TNFSF4: variants seen among roughly 807,000 people sequenced by gnomAD.
TNFSF4 encodes the protein TNF superfamily member 4.
A neutral mutation model predicts 7.3 loss-of-function variants in TNFSF4; 4 were observed. The ratio of observed to expected loss-of-function variants is 0.55; its 90% CI spans 0.27 to 1.25. The LOEUF (loss-of-function observed/expected upper bound fraction) is 1.25. Ranked by LOEUF, TNFSF4 falls within the 50% of genes most tolerant of loss-of-function variation. The pLI, the probability that TNFSF4 is intolerant of heterozygous loss-of-function variation, is 0.12. For synonymous variants in TNFSF4, 76 were observed against 83.7 expected (o/e 0.91, Z 0.50); for missense variants, 181 against 208.8 (o/e 0.87, Z 0.82).
At chr1:173,210,307 G>T (rs1398672047), upstream of TNFSF4, among the ~76,000 whole-genome samples, 1 of 151,874 alleles carries the variant, frequency 6.6e-6, no homozygotes, top group African/African-American at 2.4e-5. Flanking sequence ...GTGCAGAAGG[G>T]AAGGGTGCAG....
At chr1:173,437,020 G>A in the TNFSF4 span, among the ~76,000 whole-genome samples, 2 of 152,120 alleles carry the variant, frequency 1.3e-5, no homozygotes, top group Non-Finnish European at 1.5e-5. Context: ...TGTGATTTAT[G>A]GTGAGGGCTT....
chr1:173,210,812 G>C (rs1650350903), upstream of TNFSF4, among the ~76,000 whole-genome samples: 1 of 152,132 alleles, frequency 6.6e-6, no homozygotes, highest in Admixed American at 6.5e-5. Flanking sequence ...GCCAGCTGAG[G>C]GAATGAGTGA....
chr1:173,233,196 A>T, the TNFSF4 span, among the ~76,000 whole-genome samples: 2 of 152,234 alleles, frequency 1.3e-5, no homozygotes, highest in African/African-American at 4.8e-5. Context: ...AAGCTTCAGT[A>T]GCTGATTCGA....
the TNFSF4 span, among the ~76,000 whole-genome samples, chr1:173,296,952 G>A: frequency 6.6e-6 from 1 of 151,930 alleles, no homozygotes; most frequent in Admixed American, 6.6e-5. Context: ...CAGAAAAGCA[G>A]ATATTACTAC....
chr1:173,346,637 T>C, the TNFSF4 span, among the ~76,000 whole-genome samples: 1 of 151,868 alleles, frequency 6.6e-6, no homozygotes, highest in African/African-American at 2.4e-5. Context: ...ATAAAGAAAA[T>C]ATAAGGAGGG....
the TNFSF4 span, among the ~76,000 whole-genome samples, chr1:173,408,868 G>A: frequency 6.6e-6 from 1 of 152,140 alleles, no homozygotes; most frequent in African/African-American, 2.4e-5. Flanking sequence ...GGGATTACAC[G>A]GATGAGCCAC....
the TNFSF4 span, among the ~76,000 whole-genome samples, chr1:173,446,182 G>C: frequency 6.6e-6 from 1 of 151,234 alleles, no homozygotes; most frequent in Non-Finnish European, 1.5e-5. Flanking sequence ...GGCAACTATC[G>C]TAACTATGCT....
At chr1:173,363,121 T>TG in the TNFSF4 span, 1 of 342,192 alleles carries the variant, frequency 2.9e-6, no homozygotes. Context: ...CTACCAACTC[T>TG]TACATTTTTC....
the TNFSF4 span, among the ~76,000 whole-genome samples, chr1:173,450,546 AAT>A: frequency 6.6e-6 from 1 of 151,812 alleles, no homozygotes; most frequent in African/African-American, 2.4e-5. Flanking sequence ...TGAATCCAAA[AAT>A]ATATTTAAAA....
the TNFSF4 span, among the ~76,000 whole-genome samples, chr1:173,442,545 G>GTTTTTTTTTTTTTTTTTTTT: frequency 7.5e-5 from 7 of 93,450 alleles, 3 homozygotes; most frequent in Non-Finnish European, 1.3e-4. Context: ...TTTCGTTTTT[G>GTTTTTTTTTTTTTTTTTTTT]TTTTTGTTTT....
chr1:173,287,420 G>A, the TNFSF4 span, among the ~76,000 whole-genome samples: 1 of 152,180 alleles, frequency 6.6e-6, no homozygotes, highest in Admixed American at 6.6e-5. Context: ...TATAGACAAT[G>A]CCAAGTGTTG....
the TNFSF4 span, among the ~76,000 whole-genome samples, chr1:173,235,446 T>C: frequency 4.6e-5 from 7 of 152,224 alleles, no homozygotes; most frequent in Admixed American, 6.5e-5. Flanking sequence ...ATTGTCCCAG[T>C]GCACAGGTGG....
At chr1:173,384,543 A>G in the TNFSF4 span, among the ~76,000 whole-genome samples, 1 of 152,182 alleles carries the variant, frequency 6.6e-6, no homozygotes, top group South Asian at 2.1e-4. Flanking sequence ...CCACCGCATG[A>G]TTCTCTTCAT....
the TNFSF4 span, among the ~76,000 whole-genome samples, chr1:173,345,054 G>A: frequency 6.6e-6 from 1 of 152,134 alleles, no homozygotes; most frequent in East Asian, 1.9e-4. Context: ...AGAATTTGGG[G>A]GATCAGAAGT....
chr1:173,433,606 G>A, the TNFSF4 span, among the ~76,000 whole-genome samples: 2 of 152,070 alleles, frequency 1.3e-5, no homozygotes, highest in Non-Finnish European at 2.9e-5. Context: ...GGAGGCAGAG[G>A]TGGGAGGATC....
the TNFSF4 span, among the ~76,000 whole-genome samples, chr1:173,341,980 C>G: frequency 2.0e-5 from 3 of 152,280 alleles, no homozygotes; most frequent in Non-Finnish European, 2.9e-5. Context: ...CCTTCTGTTT[C>G]TATCCTGCTT....
chr1:173,342,514 T>C, the TNFSF4 span, among the ~76,000 whole-genome samples: 2 of 149,228 alleles, frequency 1.3e-5, no homozygotes, highest in East Asian at 2.1e-4. Context: ...TGATGCATTA[T>C]GCAAAAAAAA....
chr1:173,239,677 A>G, the TNFSF4 span, among the ~76,000 whole-genome samples: 3 of 152,176 alleles, frequency 2.0e-5, no homozygotes, highest in African/African-American at 4.8e-5. Context: ...TCTGCATATC[A>G]TGATGTCCTC....
At chr1:173,242,217 C>A in the TNFSF4 span, among the ~76,000 whole-genome samples, 1 of 152,006 alleles carries the variant, frequency 6.6e-6, no homozygotes, top group East Asian at 1.9e-4. Flanking sequence ...TTAGAGTGGC[C>A]AAAATACTCA....
Sources: allele counts gnomAD v4.1 joint callset (sites outside exome capture counted in the v4.1 genomes callset), GRCh38; gene constraint gnomAD v4.1.1; transcripts MANE v1.5; gene names NCBI Gene and HGNC (gene_info 2026-07-23, HGNC 2026-07-21).